Variants in MLF1 observed in about 807,000 individuals in gnomAD.
The protein encoded by MLF1 is myelodysplasia-myeloid leukemia factor 1.
A neutral mutation model predicts 38.3 loss-of-function variants in MLF1; 37 were observed. That is an observed-to-expected ratio of 0.96 (90% CI 0.74 to 1.27). MLF1 has a LOEUF of 1.27. Ranked by LOEUF, MLF1 falls within the 50% of genes most tolerant of loss-of-function variation. The pLI, the probability that MLF1 is intolerant of heterozygous loss-of-function variation, is 0.00. For synonymous variants in MLF1, 95 were observed against 106.5 expected (o/e 0.89, Z 0.66); for missense variants, 331 against 349.2 (o/e 0.95, Z 0.42).
At chr3:158,582,797 T>A in intron 1 of MLF1, 1 of 634,782 alleles carries the variant, frequency 1.6e-6, no homozygotes, top group East Asian at 2.8e-5. Context: ...AAACAAAAAT[T>A]TGGTGAATTT....
At chr3:158,583,054 C>G in intron 1 of MLF1, 1 of 510,778 alleles carries the variant, frequency 2.0e-6, no homozygotes. Context: ...TATTCTTCTC[C>G]TTCCCTTTCC....
Position 158,605,472 on chromosome 3 carries a change from C to G in MLF1, c.*270C>G, listed in dbSNP as rs1018082406. The G allele has an allele frequency of 3.7e-6, 1 of 271,352 alleles. No homozygotes were observed. The highest frequency in any genetic ancestry group is 7.0e-6 in the Non-Finnish European group (1 of 143,602). The allele number at this position is 271,352 out of a possible 1,614,324, so 16.8% of individuals were successfully genotyped here. A position where few individuals can be genotyped will look rare whatever the true frequency, so the allele number is the denominator to read the frequency against. ...TTTTTTAAAGCTTATATGCTTATTT[C>G]GCTTCCCCAGTTGTTTTTGTGTTGG... is the stretch of plus-strand genomic sequence containing the variant. On this transcript the variant is annotated 3_prime_UTR_variant, in exon 8 of 8. Coordinates refer to ENST00000466246, the MANE Select transcript of MLF1 (RefSeq NM_001369783.1).
rs139242855 is a variant in MLF1 at position 158,574,738 on chromosome 3, C to T, written c.47+3391C>T. Among the ~76,000 whole-genome samples, 71 of 150,620 alleles carry T rather than the reference C, an allele frequency of 4.7e-4. No homozygotes were observed. In the South Asian group the frequency reaches 0.012, roughly 25 times the overall value. On this transcript the variant is annotated intron_variant, in intron 1 of 7. Coordinates refer to ENST00000466246, the MANE Select transcript of MLF1 (RefSeq NM_001369783.1). ...CCAGAGAATATTATTTTGTAAAATCCATAATTTTATTATTTTGTATTACAT... is the reference window on the plus strand; with the variant it reads ...CCAGAGAATATTATTTTGTAAAATCTATAATTTTATTATTTTGTATTACAT...
chr3:158,593,951 C>A (rs1473277951), intron 3 of MLF1, among the ~76,000 whole-genome samples: 2 of 152,112 alleles, frequency 1.3e-5, no homozygotes, highest in African/African-American at 4.8e-5. Flanking sequence ...GTCTGTGATG[C>A]TAGCTTCCAA....
intron 1 of MLF1, among the ~76,000 whole-genome samples, chr3:158,588,600 C>CAAAAAA (rs67267045): frequency 3.9e-5 from 2 of 51,272 alleles, no homozygotes; most frequent in Non-Finnish European, 7.6e-5. Context: ...GACTCCGTCT[C>CAAAAAA]AAAAAAAAAA....
chr3:158,597,074 C>A, intron 4 of MLF1, 129 bp downstream of exon 4: 1 of 540,726 alleles, frequency 1.8e-6, no homozygotes, highest in Non-Finnish European at 3.3e-6. Context: ...ACCCAATAAG[C>A]AATATTTGTA....
At chr3:158,572,885 T>G (rs1714756857) in intron 1 of MLF1, among the ~76,000 whole-genome samples, 1 of 151,346 alleles carries the variant, frequency 6.6e-6, no homozygotes, top group South Asian at 2.1e-4. Flanking sequence ...CTGCATGAGA[T>G]GGAAAGAAGG....
At chr3:158,587,402 C>G (rs758165621) in intron 1 of MLF1, among the ~76,000 whole-genome samples, 33 of 152,150 alleles carry the variant, frequency 2.2e-4, no homozygotes, top group Non-Finnish European at 4.1e-4. Flanking sequence ...AGCTCCAGGG[C>G]TTAGTCCTCA....
At chr3:158,573,543 G>C (rs372273610) in intron 1 of MLF1, 1 of 151,888 alleles carries the variant, frequency 6.6e-6, no homozygotes, top group Non-Finnish European at 1.5e-5. Context: ...TTGAGTTGTG[G>C]GATTTTTTTT....
intron 1 of MLF1, among the ~76,000 whole-genome samples, chr3:158,588,316 G>C (rs1717569689): frequency 6.6e-6 from 1 of 152,188 alleles, no homozygotes; most frequent in Admixed American, 6.5e-5. Context: ...CAGAAATTGT[G>C]ACATAACAAA....
At chr3:158,593,496 G>A in intron 3 of MLF1, 70 bp downstream of exon 3, 1 of 1,286,476 alleles carries the variant, frequency 7.8e-7, no homozygotes, top group Non-Finnish European at 1.1e-6. Flanking sequence ...ATTAACTCAA[G>A]CTGACTGAAT....
At chr3:158,599,649 A>G (rs552939823) in intron 5 of MLF1, among the ~76,000 whole-genome samples, 3 of 152,300 alleles carry the variant, frequency 2.0e-5, no homozygotes, top group South Asian at 4.1e-4. Flanking sequence ...GCCAATCAAT[A>G]TGACTGATGA....
At chr3:158,598,774 C>T (rs1011223257) in intron 5 of MLF1, among the ~76,000 whole-genome samples, 7 of 152,104 alleles carry the variant, frequency 4.6e-5, no homozygotes, top group Non-Finnish European at 1.0e-4. Context: ...GGTCTATTTT[C>T]CCTTTCTCCC....
intron 6 of MLF1, among the ~76,000 whole-genome samples, chr3:158,601,581 T>G (rs960227228): frequency 2.0e-4 from 29 of 145,802 alleles, no homozygotes; most frequent in Non-Finnish European, 3.6e-4. Context: ...AAAAAATAAA[T>G]AAATAAAATA....
intron 2 of MLF1, among the ~76,000 whole-genome samples, chr3:158,592,891 T>C (rs1448196209): frequency 6.6e-6 from 1 of 152,184 alleles, no homozygotes; most frequent in Non-Finnish European, 1.5e-5. Flanking sequence ...TATCTGAAAT[T>C]AGAACAGGCA....
intron 1 of MLF1, among the ~76,000 whole-genome samples, chr3:158,577,421 C>T (rs1715631044): frequency 6.6e-6 from 1 of 152,160 alleles, no homozygotes; most frequent in African/African-American, 2.4e-5. Context: ...AATATTCTGC[C>T]ACATATACCT....
At position 158,592,503 on chromosome 3, in the gene MLF1, A is replaced by G; in HGVS notation, c.117A>G (p.Arg39=). ...MIRSFSEPFG[R]DLLSISDGRG... ...GAAGTTTTTCTGAACCCTTTGGAAG[A>G]GACTTGCTCAGTATCTCTGATGGTA... is the stretch of plus-strand genomic sequence containing the variant. The change falls in exon 2 of 8, where the codon AGA becomes AGG. Residue 39 remains arginine, a synonymous_variant. Coordinates refer to ENST00000466246, the MANE Select transcript of MLF1 (RefSeq NM_001369783.1). 2 of 1,612,546 alleles carry G rather than the reference A, an allele frequency of 1.2e-6. No individual in the cohort carries two copies. The highest frequency in any genetic ancestry group is 1.7e-6 in the Non-Finnish European group (2 of 1,179,462).
chr3:158,598,540 A>G lies in MLF1; in HGVS notation c.453+332A>G, dbSNP rs541129766. Reference sequence around the variant, plus strand: ...CCTTTGTTTCATGAAATTAATGTCTATTTTTAAGTTTACATTTGAAGTGAA... The same window carrying G: ...CCTTTGTTTCATGAAATTAATGTCTGTTTTTAAGTTTACATTTGAAGTGAA... On this transcript the variant is annotated intron_variant, in intron 5 of 7. Transcript: ENST00000466246. 5.8e-4 allele frequency among the ~76,000 whole-genome samples: 88 copies of G among 151,918 alleles called. 1 individual carries two copies. Among genetic ancestry groups the G allele is most frequent in the South Asian group, 1.2e-3 (6 of 4,810 alleles).
intron 1 of MLF1, among the ~76,000 whole-genome samples, chr3:158,572,273 AG>A: frequency 2.3e-5 from 1 of 43,754 alleles, no homozygotes. Context: ...TGAGGGCGTG[AG>A]GTGGGGGGAC....
Sources: allele counts gnomAD v4.1 joint callset (sites outside exome capture counted in the v4.1 genomes callset), GRCh38; gene constraint gnomAD v4.1.1; transcripts MANE v1.5; gene names NCBI Gene and HGNC (gene_info 2026-07-23, HGNC 2026-07-21).